Variants in PCGF3 observed in about 807,000 individuals in gnomAD.
PCGF3 encodes polycomb group ring finger 3.
Under a neutral mutation model 33.1 loss-of-function variants are expected in PCGF3, and 7 were observed. The ratio of observed to expected loss-of-function variants is 0.21; its 90% CI spans 0.12 to 0.40. The LOEUF (loss-of-function observed/expected upper bound fraction) is 0.40, where lower values mean the gene tolerates loss of function less well. PCGF3 is among the 10% of genes least tolerant of loss of function. The probability of loss-of-function intolerance (pLI) is 1.00; values close to 1 mark genes in which losing one functional copy is unlikely to be tolerated. For synonymous variants in PCGF3, 153 were observed against 121.3 expected (o/e 1.26, Z -1.72); for missense variants, 211 against 313.3 (o/e 0.67, Z 2.46).
At chr4:715,560 G>A (rs1742788956) in intron 1 of PCGF3, among the ~76,000 whole-genome samples, 2 of 131,310 alleles carry the variant, frequency 1.5e-5, no homozygotes, top group Admixed American at 7.4e-5. Flanking sequence ...AGAACTGGGT[G>A]TCGGTGCTGG....
intron 1 of PCGF3, among the ~76,000 whole-genome samples, chr4:709,968 G>A (rs913043441): frequency 6.6e-6 from 1 of 152,210 alleles, no homozygotes; most frequent in Admixed American, 6.5e-5. Context: ...GTGAAATTGT[G>A]GAAGAGGCTT....
At chr4:738,557 G>C (rs1249707051) in intron 6 of PCGF3, among the ~76,000 whole-genome samples, 3 of 150,948 alleles carry the variant, frequency 2.0e-5, no homozygotes, top group Non-Finnish European at 3.0e-5. Context: ...GACACTTTAA[G>C]AAACGTTTGT....
At position 731,072 on chromosome 4, in the gene PCGF3, G is replaced by A; in HGVS notation, c.-48G>A. On this transcript the variant is annotated 5_prime_UTR_variant, in exon 3 of 11. An upstream start codon of the reference 5' UTR is lost. Coordinates refer to ENST00000362003, the Ensembl canonical transcript of PCGF3. ...GGGAGTGCTGGCCTGAAGCCTCCATGCCCCGGCAGAGGGACGGACACGCGG... is the reference window on the plus strand; with the variant it reads ...GGGAGTGCTGGCCTGAAGCCTCCATACCCCGGCAGAGGGACGGACACGCGG... 1 of 398,634 alleles carries A rather than the reference G, an allele frequency of 2.5e-6. No individual in the cohort carries two copies. The highest frequency in any genetic ancestry group is 4.4e-6 in the Non-Finnish European group (1 of 225,980). 24.7% of individuals were successfully genotyped at this position (398,634 alleles called of 1,614,324 possible).
intron 3 of PCGF3, among the ~76,000 whole-genome samples, chr4:731,511 C>G (rs988228276): frequency 1.3e-5 from 2 of 151,024 alleles, no homozygotes; most frequent in African/African-American, 4.9e-5. Flanking sequence ...GTGCTCTGTC[C>G]CCTCGTGGGT....
At chr4:719,377 C>G (rs986467913) in intron 1 of PCGF3, among the ~76,000 whole-genome samples, 1 of 152,236 alleles carries the variant, frequency 6.6e-6, no homozygotes, top group East Asian at 1.9e-4. Context: ...TGGTGTGGTT[C>G]TGTGTGTCCG....
chr4:769,763 A>G (rs1444079503), exon 11 of PCGF3: 1 of 135,072 alleles, frequency 7.4e-6, no homozygotes, highest in Non-Finnish European at 1.5e-5. Context: ...TTAATTGCCT[A>G]TCAGACGCAT....
chr4:766,034 G>T, exon 11 of PCGF3: 1 of 1,614,084 alleles, frequency 6.2e-7, no homozygotes, highest in Non-Finnish European at 8.5e-7. Flanking sequence ...TCTTCCAGAA[G>T]GCGCCGCTCC....
intron 8 of PCGF3, among the ~76,000 whole-genome samples, chr4:748,349 G>A (rs1744361992): frequency 6.6e-6 from 1 of 152,066 alleles, no homozygotes; most frequent in Admixed American, 6.5e-5. Context: ...ACAGGCACCT[G>A]CCGCTCCGTC....
chr4:750,691 A>T (rs1744472393), intron 8 of PCGF3, among the ~76,000 whole-genome samples: 1 of 152,142 alleles, frequency 6.6e-6, no homozygotes, highest in Admixed American at 6.5e-5. Flanking sequence ...GAACTCCGAC[A>T]TCCAAGTCCG....
intron 1 of PCGF3, among the ~76,000 whole-genome samples, chr4:708,006 C>A (rs55991556): frequency 1.4e-5 from 1 of 72,460 alleles, no homozygotes. Flanking sequence ...CTGGGACAGC[C>A]CTGTTTTCCC....
At chr4:763,598 G>A (rs771736364) in intron 9 of PCGF3, among the ~76,000 whole-genome samples, 26 of 152,208 alleles carry the variant, frequency 1.7e-4, no homozygotes, top group Non-Finnish European at 2.8e-4. Flanking sequence ...CGCCGGGAGC[G>A]CAGGTTCATT....
intron 1 of PCGF3, among the ~76,000 whole-genome samples, chr4:722,721 C>T (rs1478964488): frequency 1.2e-5 from 1 of 86,186 alleles, no homozygotes; most frequent in Non-Finnish European, 2.2e-5. Context: ...TCCACACTCG[C>T]GTCATCGCCC....
chr4:725,967 C>A (rs557223006), intron 1 of PCGF3, among the ~76,000 whole-genome samples: 2 of 152,310 alleles, frequency 1.3e-5, no homozygotes, highest in East Asian at 3.9e-4. Context: ...CCGATTAACC[C>A]TCAGGTCGTC....
rs116227342 is a variant in PCGF3 at position 720,433 on chromosome 4, G to A, written c.-189-10197G>A. 6.1e-3 allele frequency among the ~76,000 whole-genome samples: 934 copies of A among 152,270 alleles called. 12 individuals are homozygous for A. Among genetic ancestry groups the A allele is most frequent in the African/African-American group, 0.021 (870 of 41,544 alleles). On this transcript the variant is annotated intron_variant, in intron 1 of 10. Coordinates refer to ENST00000362003, the Ensembl canonical transcript of PCGF3. This position sits in a 1 kb window ranked among gnomAD's most constrained non-coding sequence, Gnocchi z 5.6. Reference sequence around the variant, plus strand: ...TCAGCTCCGGGAGGTGGGGCTGCCCGTCCAGAGAGGTGCAGGGTCTCTTGT... The same window carrying A: ...TCAGCTCCGGGAGGTGGGGCTGCCCATCCAGAGAGGTGCAGGGTCTCTTGT...
intron 1 of PCGF3, among the ~76,000 whole-genome samples, chr4:714,930 T>A (rs1742743040): frequency 6.6e-6 from 1 of 151,964 alleles, no homozygotes; most frequent in African/African-American, 2.4e-5. Flanking sequence ...CTGTAGACAC[T>A]GAGGGTGAGA....
chr4:769,590 T>C (rs1745533678), exon 11 of PCGF3: 1 of 152,288 alleles, frequency 6.6e-6, no homozygotes, highest in Non-Finnish European at 1.5e-5. Context: ...CGGGACAGGG[T>C]GCGGGCAATG....
At chr4:724,197 G>A (rs1306310854) in intron 1 of PCGF3, among the ~76,000 whole-genome samples, 1 of 152,238 alleles carries the variant, frequency 6.6e-6, no homozygotes, top group Non-Finnish European at 1.5e-5. Flanking sequence ...CGTGGCCTTG[G>A]GACGAGAGCG....
intron 1 of PCGF3, among the ~76,000 whole-genome samples, chr4:724,938 G>A (rs936791187): frequency 2.0e-5 from 3 of 151,866 alleles, no homozygotes; most frequent in Non-Finnish European, 2.9e-5. Context: ...CTCCAGCCTG[G>A]TGACAGAGCA....
chr4:755,228 G>T (rs1327607923), intron 8 of PCGF3, among the ~76,000 whole-genome samples: 2 of 152,208 alleles, frequency 1.3e-5, no homozygotes, highest in Non-Finnish European at 2.9e-5. Context: ...ACTTTTAGGT[G>T]GTGACCAGCC....
Sources: gnomAD v4.1 joint callset for allele counts (sites outside exome capture counted in the v4.1 genomes callset) on GRCh38, gnomAD v4.1.1 for gene constraint, Gnocchi (gnomAD v3.1) non-coding constraint, MANE v1.5 for transcripts, NCBI Gene and HGNC (gene_info 2026-07-23, HGNC 2026-07-21) for gene names.